The following ARHGAP17 variants were observed in gnomAD, a reference collection of about 807,000 sequenced individuals.
ARHGAP17 encodes the protein rho GTPase-activating protein 17.
Under a neutral mutation model 99.5 loss-of-function variants are expected in ARHGAP17, and 57 were observed. The ratio of observed to expected loss-of-function variants is 0.57; its 90% confidence interval spans 0.46 to 0.71. ARHGAP17 has a LOEUF of 0.71. Ranked by LOEUF, ARHGAP17 falls within the 30% of genes least tolerant of loss-of-function variation. The pLI is 0.00. For synonymous variants in ARHGAP17, 417 were observed against 429.6 expected (o/e 0.97, Z 0.36); for missense variants, 1,000 against 1,122.4 (o/e 0.89, Z 1.56).
rs2052107211 is a variant in ARHGAP17 at position 24,964,361 on chromosome 16, A to G, written c.462-53T>C. 6 of 1,234,450 alleles carry G rather than the reference A, an allele frequency of 4.9e-6. No individual in the cohort carries two copies. The Admixed American group carries it at 1.2e-4, about 24-fold the overall frequency. The allele number at this position is 1,234,450 out of a possible 1,614,324, so 76.5% of individuals were successfully genotyped here. A position where few individuals can be genotyped will look rare whatever the true frequency, so the allele number is the denominator to read the frequency against. On this transcript the variant is annotated intron_variant, in intron 6 of 19. Transcript: ENST00000289968. ...TGAGAACCAGCTGTGTATACTCAAC[A>G]GCTGGAGGCAGGACCTGGTGGAGAT...
At chr16:24,962,354 T>C (rs1453139855) in intron 7 of ARHGAP17, among the ~76,000 whole-genome samples, 3 of 152,126 alleles carry the variant, frequency 2.0e-5, no homozygotes, top group Admixed American at 1.3e-4. Flanking sequence ...AGAACTGTAC[T>C]CTCAACGAAA....
At chr16:25,007,316 G>A (rs1482834436) in intron 1 of ARHGAP17, among the ~76,000 whole-genome samples, 3 of 152,242 alleles carry the variant, frequency 2.0e-5, no homozygotes, top group African/African-American at 4.8e-5. Flanking sequence ...TAACAATAAA[G>A]CAAATGCACC....
chr16:24,953,755 T>C (rs1287061953), intron 10 of ARHGAP17, among the ~76,000 whole-genome samples: 3 of 152,138 alleles, frequency 2.0e-5, no homozygotes, highest in Non-Finnish European at 2.9e-5. Flanking sequence ...CCTCTACTAC[T>C]AGATGACAGT....
chr16:24,967,084 G>A (rs2052211451), intron 6 of ARHGAP17, among the ~76,000 whole-genome samples: 1 of 152,202 alleles, frequency 6.6e-6, no homozygotes, highest in Admixed American at 6.5e-5. Context: ...AATCAAATGG[G>A]CTGACATAAA....
intron 1 of ARHGAP17, among the ~76,000 whole-genome samples, chr16:25,009,368 A>C (rs2053586183): frequency 7.5e-6 from 1 of 133,604 alleles, no homozygotes; most frequent in African/African-American, 3.8e-5. Context: ...CTCCGTCAAA[A>C]AAAAAAAAAA....
At chr16:24,993,172 A>T (rs1057344089) in intron 1 of ARHGAP17, among the ~76,000 whole-genome samples, 16 of 151,770 alleles carry the variant, frequency 1.1e-4, no homozygotes, top group East Asian at 1.9e-4. Context: ...ACTAAAATTT[A>T]AAAAAAAATT....
At chr16:25,010,090 T>G (rs989047609) in intron 1 of ARHGAP17, among the ~76,000 whole-genome samples, 1 of 151,846 alleles carries the variant, frequency 6.6e-6, no homozygotes, top group African/African-American at 2.4e-5. Context: ...TTCTTTTTTT[T>G]TTTGAGACAG....
intron 12 of ARHGAP17, among the ~76,000 whole-genome samples, chr16:24,949,725 T>C (rs540306229): frequency 8.5e-4 from 129 of 152,330 alleles, no homozygotes; most frequent in African/African-American, 3.0e-3. Context: ...CTGAACGATT[T>C]TGAGGCGTCT....
chr16:24,943,505 T>C (rs540392580), intron 15 of ARHGAP17, among the ~76,000 whole-genome samples: 1 of 152,366 alleles, frequency 6.6e-6, no homozygotes, highest in South Asian at 2.1e-4. Flanking sequence ...TAAGACGGCA[T>C]GTTTCACCAG....
At chr16:25,014,571 TAATTTCTA>T (rs1229765849) in intron 1 of ARHGAP17, among the ~76,000 whole-genome samples, 2 of 152,360 alleles carry the variant, frequency 1.3e-5, no homozygotes, top group African/African-American at 4.8e-5. Flanking sequence ...CGCCAATTCC[TAATTTCTA>T]AATGTCAAGA....
At chr16:25,007,726 C>T (rs2053544448) in intron 1 of ARHGAP17, among the ~76,000 whole-genome samples, 1 of 152,166 alleles carries the variant, frequency 6.6e-6, no homozygotes, top group Non-Finnish European at 1.5e-5. Context: ...AGCAGGCAGC[C>T]CACAGCCAGA....
intron 3 of ARHGAP17, among the ~76,000 whole-genome samples, chr16:24,975,127 C>T (rs1263505540): frequency 2.0e-5 from 3 of 152,120 alleles, no homozygotes; most frequent in Non-Finnish European, 4.4e-5. Context: ...CACTCCAGCA[C>T]GGACAACAGA....
intron 18 of ARHGAP17, among the ~76,000 whole-genome samples, chr16:24,933,981 G>T (rs1024695956): frequency 3.3e-5 from 5 of 152,146 alleles, no homozygotes; most frequent in Admixed American, 6.5e-5. Context: ...GATCAGCTGA[G>T]ATCCTGATAA....
chr16:24,957,410 A>C (rs566323082), intron 9 of ARHGAP17: 3 of 152,436 alleles, frequency 2.0e-5, no homozygotes, highest in Admixed American at 2.0e-4. Flanking sequence ...GTGGGAGAGA[A>C]CAGAGGTGCA....
chr16:24,935,075 T>C (rs56149730), intron 18 of ARHGAP17, among the ~76,000 whole-genome samples: 9,576 of 152,092 alleles, frequency 0.063, 366 homozygotes, highest in Middle Eastern at 0.13. Flanking sequence ...GTGGGAGCAG[T>C]TCAGATTCTG....
In ARHGAP17 at chr16:24,930,987, G is replaced by A; in HGVS notation, c.2312C>T (p.Pro771Leu). ...PSTPPLGKQN[P>L]SLPAPQTLAG... ...CAGGGTCTGAGGAGCTGGCAGACTGGGGTTCTGTTTTCCTAGGGGCGGAGT... is the reference window on the plus strand; with the variant it reads ...CAGGGTCTGAGGAGCTGGCAGACTGAGGTTCTGTTTTCCTAGGGGCGGAGT... Residue 771 changes from proline (P) to leucine (L), a missense_variant, in exon 19 of 20, where the codon CCC (proline) becomes CTC (leucine). Around this residue, in one of 2 missense-constraint regions of ARHGAP17, gnomAD observed 528 missense variants for 511.4 expected, o/e 1.03. Transcript: ENST00000289968. 6.2e-7 allele frequency: 1 copy of A among 1,613,960 alleles called. No individual in the cohort carries two copies. The highest frequency in any genetic ancestry group is 1.3e-5 in the African/African-American group (1 of 75,006).
At chr16:24,982,970 A>ATATATATATATATATATATATATATT (rs2052719858) in intron 1 of ARHGAP17, among the ~76,000 whole-genome samples, 1 of 18,538 alleles carries the variant, frequency 5.4e-5, no homozygotes, top group African/African-American at 2.0e-4. Context: ...TAAATCATAT[A>ATATATATATATATATATATATATATT]TATATATATA....
At chr16:24,968,225 G>A in intron 6 of ARHGAP17, 126 bp downstream of exon 6, 1 of 1,026,640 alleles carries the variant, frequency 9.7e-7, no homozygotes, top group Non-Finnish European at 1.5e-6. Flanking sequence ...GTGCTGGCAG[G>A]CTGGCACCCA....
rs149340407 is a variant in ARHGAP17, at chr16:24,943,789, C to A, written c.1315G>T (p.Asp439Tyr). 4 of 1,614,000 alleles carry A rather than the reference C, an allele frequency of 2.5e-6. No homozygotes were observed. In the African/African-American group the frequency reaches 5.3e-5, roughly 22 times the overall value. The change falls in exon 15 of 20, where the codon GAC (aspartate) becomes TAC (tyrosine). Residue 439 changes from aspartate (D) to tyrosine (Y), a missense_variant. By Grantham distance (160) the Asp-to-Tyr change is radical. Around this residue, in one of 2 missense-constraint regions of ARHGAP17, gnomAD observed 472 missense variants for 611.1 expected, o/e 0.77. Coordinates refer to ENST00000289968, the MANE Select transcript of ARHGAP17 (RefSeq NM_001006634.3). ...GAATTACCTTCAGGGAAGAACCAGTCGGCATGCTGAATGATGGGTTCAATC... is the reference window on the plus strand; with the variant it reads ...GAATTACCTTCAGGGAAGAACCAGTAGGCATGCTGAATGATGGGTTCAATC... ...AVIEPIIQHA[D>Y]WFFPEEVEFN...
Sources: allele counts gnomAD v4.1 joint callset (sites outside exome capture counted in the v4.1 genomes callset), GRCh38; gene constraint gnomAD v4.1.1; regional missense constraint gnomAD v4.1.1; transcripts MANE v1.5; gene names NCBI Gene and HGNC (gene_info 2026-07-23, HGNC 2026-07-21).